Variants in POU3F3 observed in about 807,000 individuals in gnomAD.
POU3F3 encodes POU class 3 homeobox 3.
Under a neutral mutation model 8.6 loss-of-function variants are expected in POU3F3, and 1 was observed. The observed-to-expected ratio is 0.12, with a 90% confidence interval of 0.04 to 0.55. The LOEUF (loss-of-function observed/expected upper bound fraction) is 0.55, where lower values mean the gene tolerates loss of function less well. POU3F3 is among the 20% of genes least tolerant of loss of function. The pLI, the probability that POU3F3 is intolerant of heterozygous loss-of-function variation, is 0.91. For synonymous variants in POU3F3, 418 were observed against 327.4 expected, an observed-to-expected ratio of 1.28 and a Z score of -2.99; for missense variants, 577 against 690.7, an observed-to-expected ratio of 0.84 and a Z score of 1.84.
upstream of POU3F3, chr2:104,853,475 A>G: frequency 6.6e-6 from 1 of 152,652 alleles, no homozygotes; most frequent in South Asian, 2.1e-4. Flanking sequence ...TGGCGATGCG[A>G]GCCCCCGCTT....
At chr2:104,905,495 ATTAATGTGTGTATTAGTTTT>A in the POU3F3 span, among the ~76,000 whole-genome samples, 1 of 152,218 alleles carries the variant, frequency 6.6e-6, no homozygotes, top group Non-Finnish European at 1.5e-5. Context: ...CCTATTAGAC[ATTAATGTGTGTATTAGTTTT>A]CTGTGACTGT....
chr2:104,885,225 A>G, the POU3F3 span, among the ~76,000 whole-genome samples: 2 of 152,216 alleles, frequency 1.3e-5, no homozygotes, highest in South Asian at 2.1e-4. Flanking sequence ...TGTGAACACC[A>G]CAGTTTATAT....
chr2:104,863,589 C>G, the POU3F3 span, among the ~76,000 whole-genome samples: 1 of 152,100 alleles, frequency 6.6e-6, no homozygotes, highest in Admixed American at 6.5e-5. Context: ...TGAAATCCAC[C>G]TCTCTGCTGC....
chr2:104,875,898 A>G, the POU3F3 span, among the ~76,000 whole-genome samples: 1 of 151,840 alleles, frequency 6.6e-6, no homozygotes, highest in Non-Finnish European at 1.5e-5. Context: ...TTGTATTTTT[A>G]GTAGAGACAG....
At chr2:104,899,473 A>G in the POU3F3 span, among the ~76,000 whole-genome samples, 1 of 152,200 alleles carries the variant, frequency 6.6e-6, no homozygotes, top group Non-Finnish European at 1.5e-5. Flanking sequence ...ATTTATCTAT[A>G]TGTGGTGTGT....
the POU3F3 span, chr2:104,872,271 A>T: frequency 8.8e-6 from 4 of 456,360 alleles, no homozygotes; most frequent in Non-Finnish European, 1.8e-5. This position sits in a 1 kb window ranked among gnomAD's most constrained non-coding sequence, Gnocchi z 4.6. Context: ...CATTCCACAT[A>T]CAGACAGGAA....
chr2:104,914,324 G>C, the POU3F3 span, among the ~76,000 whole-genome samples: 13 of 152,150 alleles, frequency 8.5e-5, no homozygotes, highest in African/African-American at 2.9e-4. Context: ...GCCATTTTCT[G>C]CAAGTTCTTA....
At chr2:104,878,330 A>G in the POU3F3 span, among the ~76,000 whole-genome samples, 16 of 152,344 alleles carry the variant, frequency 1.1e-4, no homozygotes, top group African/African-American at 2.9e-4. Flanking sequence ...AATGGAGTGG[A>G]TCCTTTTTTC....
At chr2:104,863,397 A>G (rs886781224), downstream of POU3F3, among the ~76,000 whole-genome samples, 1 of 152,046 alleles carries the variant, frequency 6.6e-6, no homozygotes, top group Non-Finnish European at 1.5e-5. Context: ...GGTTCTGGCG[A>G]TAACTTTCTG....
chr2:104,891,428 G>A, the POU3F3 span, among the ~76,000 whole-genome samples: 2 of 152,124 alleles, frequency 1.3e-5, no homozygotes, highest in Non-Finnish European at 2.9e-5. Context: ...TTATGCACAA[G>A]TCATGAAATC....
At position 104,857,037 on chromosome 2, in the gene POU3F3, G is replaced by A. The variant is rs750388843; in HGVS notation, c.*24G>A. 3 of 1,398,956 alleles carry A rather than the reference G, an allele frequency of 2.1e-6. No individual in the cohort carries two copies. The highest frequency in any genetic ancestry group is 2.8e-6 in the Non-Finnish European group (3 of 1,068,700). 86.7% of individuals were successfully genotyped at this position (1,398,956 alleles called of 1,614,324 possible). On this transcript the variant is annotated 3_prime_UTR_variant, in exon 1 of 1. Coordinates refer to ENST00000361360, the MANE Select transcript of POU3F3 (RefSeq NM_006236.3). ...GAAGCCAGGGCGCAGAGCGAAGAGG[G>A]CCGCCGCCGCCGCCGCCTCCGCAGC...
chr2:104,859,369 G>C (rs1335601758), downstream of POU3F3, among the ~76,000 whole-genome samples: 1 of 152,218 alleles, frequency 6.6e-6, no homozygotes, highest in Non-Finnish European at 1.5e-5. Flanking sequence ...TATTTACAAT[G>C]TGGGAAAATG....
At chr2:104,912,136 G>A in the POU3F3 span, among the ~76,000 whole-genome samples, 2 of 152,160 alleles carry the variant, frequency 1.3e-5, no homozygotes, top group East Asian at 1.9e-4. Flanking sequence ...CCAGGGATTC[G>A]GAGCAGTGTG....
chr2:104,910,169 A>G, the POU3F3 span, among the ~76,000 whole-genome samples: 3 of 152,210 alleles, frequency 2.0e-5, no homozygotes, highest in Non-Finnish European at 4.4e-5. Flanking sequence ...AGACTCAAGC[A>G]CTAAAAATGG....
At chr2:104,892,932 G>T in the POU3F3 span, among the ~76,000 whole-genome samples, 441 of 152,162 alleles carry the variant, frequency 2.9e-3, 8 homozygotes, top group East Asian at 0.02. Flanking sequence ...TCTTTGAGAG[G>T]TTTACCTGTA....
At position 104,856,128 on chromosome 2, in the gene POU3F3, C is replaced by T; in HGVS notation, c.618C>T (p.Leu206=). 3.4e-6 allele frequency: 4 copies of T among 1,191,074 alleles called. No individual in the cohort carries two copies. The highest frequency in any genetic ancestry group is 4.2e-6 in the Non-Finnish European group (4 of 962,596). 73.8% of individuals were successfully genotyped at this position (1,191,074 alleles called of 1,614,324 possible). A position where few individuals can be genotyped will look rare whatever the true frequency, so the allele number is the denominator to read the frequency against. The part of the protein sequence containing the change: ...AAAAAAAAAH[L]PSMAGGQQPP... ...CCGCCGCCGCCGCCGCCGCGCACCT[C>T]CCGTCCATGGCCGGGGGCCAGCAGC... The change falls in exon 1 of 1, where the codon CTC becomes CTT. Residue 206 remains leucine, a synonymous_variant. Transcript: ENST00000361360.
At chr2:104,877,629 G>A in the POU3F3 span, among the ~76,000 whole-genome samples, 1 of 151,668 alleles carries the variant, frequency 6.6e-6, no homozygotes, top group Non-Finnish European at 1.5e-5. Context: ...GGGCTCAATT[G>A]CCATCACTGA....
the POU3F3 span, chr2:104,872,590 A>T: frequency 3.6e-6 from 1 of 275,474 alleles, no homozygotes; most frequent in East Asian, 1.4e-4. The surrounding 1 kb of genome is among the most constrained non-coding windows in gnomAD (Gnocchi z 4.6). Flanking sequence ...GTGGGGACGC[A>T]CTCGCTCTGC....
the POU3F3 span, chr2:104,868,041 A>T: frequency 5.7e-6 from 2 of 350,520 alleles, no homozygotes; most frequent in South Asian, 4.3e-5. Context: ...ATTGTTGGGA[A>T]AGGATTGGCG....
Sources: allele counts gnomAD v4.1 joint callset (sites outside exome capture counted in the v4.1 genomes callset), GRCh38; gene constraint gnomAD v4.1.1; non-coding constraint Gnocchi (gnomAD v3.1); transcripts MANE v1.5; gene names NCBI Gene and HGNC (gene_info 2026-07-23, HGNC 2026-07-21).